OBP2A: variants seen among roughly 807,000 people sequenced by gnomAD.
The protein encoded by OBP2A is odorant-binding protein 2a.
In OBP2A, 15 loss-of-function variants were observed where a neutral mutation model predicts 21.9. The ratio of observed to expected loss-of-function variants is 0.69; its 90% CI spans 0.46 to 1.06. The LOEUF (loss-of-function observed/expected upper bound fraction) is 1.06, where lower values mean the gene tolerates loss of function less well. OBP2A is among the 50% of genes least tolerant of loss of function. The pLI, the probability that OBP2A is intolerant of heterozygous loss-of-function variation, is 0.00. For missense variants in OBP2A, 192 were observed against 220.1 expected (o/e 0.87, Z 0.81); for synonymous variants, 86 against 91.8 (o/e 0.94, Z 0.36).
rs752225194 is a variant in OBP2A, at chr9:135,547,924, G to A, written c.331G>A (p.Val111Ile). The change falls in exon 4 of 7, where the codon GTC becomes ATC. Residue 111 changes from valine (V) to isoleucine (I), a missense_variant. By Grantham distance (29) the Val-to-Ile change is conservative. Coordinates refer to ENST00000371776, the MANE Select transcript of OBP2A (RefSeq NM_014582.3). Reference protein sequence around the residue: ...LQELPGTDDYVFYCKDQRRGG... With the variant: ...LQELPGTDDYIFYCKDQRRGG... ...GGAGCTGCCCGGGACGGACGACTACGTCTTTTACTGCAAAGACCAGCGCCG... is the reference window on the plus strand; with the variant it reads ...GGAGCTGCCCGGGACGGACGACTACATCTTTTACTGCAAAGACCAGCGCCG... 3.9e-5 allele frequency: 63 copies of A among 1,613,498 alleles called. No homozygotes were observed. The highest frequency in any genetic ancestry group is 1.8e-4 in the East Asian group (8 of 44,856).
intron 4 of OBP2A, 88 bp downstream of exon 4, chr9:135,548,069 G>A (rs1588163452): frequency 1.1e-5 from 10 of 926,888 alleles, no homozygotes; most frequent in African/African-American, 8.3e-5. Context: ...GCCCTGGCAC[G>A]GGGGGAAAAG....
Position 135,548,908 on chromosome 9 carries a change from C to T in OBP2A, c.490+99C>T, listed in dbSNP as rs987431321. On this transcript the variant is annotated intron_variant, in intron 5 of 6. Transcript: ENST00000371776. ...TGTCCTCCCATGTCCCCCGCATTCC[C>T]CGTGTGCCCCGAGTCTCCTCGCAGG... 6.2e-5 allele frequency: 80 copies of T among 1,297,094 alleles called. 11 individuals carry two copies. In the African/African-American group the frequency reaches 9.4e-4, roughly 15 times the overall value. 80.3% of individuals were successfully genotyped at this position (1,297,094 alleles called of 1,614,324 possible).
chr9:135,547,828 G>A lies in OBP2A; in HGVS notation c.278-43G>A, dbSNP rs771161974. The stretch of plus-strand genomic sequence containing the variant: ...TCGTGTGGTCCTGAGTGCTCTCTCC[G>A]GGAATGAGGGCACTGAAGACCCATC... On this transcript the variant is annotated intron_variant, in intron 3 of 6. Coordinates refer to ENST00000371776, the MANE Select transcript of OBP2A (RefSeq NM_014582.3). 1.6e-5 allele frequency: 23 copies of A among 1,421,076 alleles called. 1 individual carries two copies. Among genetic ancestry groups the A allele is most frequent in the African/African-American group, 4.3e-5 (3 of 70,370 alleles). The allele number at this position is 1,421,076 out of a possible 1,614,324, so 88.0% of individuals were successfully genotyped here. A position where few individuals can be genotyped will look rare whatever the true frequency, so the allele number is the denominator to read the frequency against.
chr9:135,547,872 T>TG lies in OBP2A; in HGVS notation c.284dup (p.Arg96GlnfsTer36). ...ACCCATCTTCTCTGTCATCTACAGA[T>TG]GGGGGCAGGAAGCTCATATACCTGC... is the stretch of plus-strand genomic sequence containing the variant. On this transcript the variant is annotated frameshift_variant and splice_region_variant, in exon 4 of 7. Transcript: ENST00000371776. LOFTEE classifies it high-confidence loss of function. The TG allele has an allele frequency of 6.2e-7, 1 of 1,607,140 alleles. No individual in the cohort carries two copies. The highest frequency in any genetic ancestry group is 1.1e-5 in the South Asian group (1 of 90,288).
At chr9:135,547,031 G>A in intron 2 of OBP2A, 120 bp downstream of exon 2, 3 of 1,529,228 alleles carry the variant, frequency 2.0e-6, no homozygotes, top group East Asian at 4.6e-5. Context: ...CTGCCTTGGA[G>A]GGAAACAGCC....
In OBP2A at chr9:135,548,769, G is replaced by T. The variant is rs1464485510; in HGVS notation, c.450G>T (p.Lys150Asn). ...LEEFKKLVQHKGLSEEDIFMP... is the reference protein window; with the variant it reads ...LEEFKKLVQHNGLSEEDIFMP... The stretch of plus-strand genomic sequence containing the variant: ...AATTTAAGAAATTGGTGCAGCACAA[G>T]GGACTCTCGGAGGAGGACATTTTCA... Residue 150 changes from lysine (K) to asparagine (N), a missense_variant, in exon 5 of 7, where the codon AAG becomes AAT. By Grantham distance (94) the Lys-to-Asn change is moderately conservative. Transcript: ENST00000371776. 1 of 1,614,058 alleles carries T rather than the reference G, an allele frequency of 6.2e-7. No individual in the cohort carries two copies. Among genetic ancestry groups the T allele is most frequent in the Non-Finnish European group, 8.5e-7 (1 of 1,179,916 alleles).
rs746016575 is a variant in OBP2A at position 135,547,896 on chromosome 9, G to A, written c.303G>A (p.Leu101=). 1.2e-6 allele frequency: 2 copies of A among 1,612,646 alleles called. No individual in the cohort carries two copies. The highest frequency in any genetic ancestry group is 1.7e-5 in the Admixed American group (1 of 59,866). The change falls in exon 4 of 7, where the codon CTG becomes CTA. Residue 101 remains leucine, a synonymous_variant. Transcript: ENST00000371776. ...ATGGGGGCAGGAAGCTCATATACCT[G>A]CAGGAGCTGCCCGGGACGGACGACT... is the stretch of plus-strand genomic sequence containing the variant. ...SAYGGRKLIY[L]QELPGTDDYV...
rs72766539 is a variant in OBP2A, at chr9:135,547,531, G to A, written c.277+283G>A. 0.19 allele frequency among the ~76,000 whole-genome samples: 28,860 copies of A among 152,252 alleles called. 3,205 individuals are homozygous for A. Among genetic ancestry groups the A allele is most frequent in the Non-Finnish European group, 0.26 (17,701 of 67,982 alleles). On this transcript the variant is annotated intron_variant, in intron 3 of 6. Coordinates refer to ENST00000371776, the MANE Select transcript of OBP2A (RefSeq NM_014582.3). ...CGAGTGTTAGGGACCAGGAGGCCGA[G>A]GGTTAGGGATGGGAAGCCAAGGCTG...
In OBP2A at chr9:135,549,892, A is replaced by C. The variant is rs747144697; in HGVS notation, c.*57A>C. The C allele has an allele frequency of 1.9e-6, 3 of 1,548,680 alleles. No homozygotes were observed. Among genetic ancestry groups the C allele is most frequent in the Non-Finnish European group, 2.6e-6 (3 of 1,146,078 alleles). On this transcript the variant is annotated 3_prime_UTR_variant, in exon 7 of 7. Transcript: ENST00000371776. The stretch of plus-strand genomic sequence containing the variant: ...CCCTACCACCAGACACAGAGCCCGG[A>C]CCACCTGGACCTACCCTCCAGCCAT...
intron 2 of OBP2A, 26 bp downstream of exon 2, chr9:135,546,937 C>A: frequency 2.5e-6 from 4 of 1,610,536 alleles, no homozygotes; most frequent in Admixed American, 1.7e-5. Flanking sequence ...TGCAGGGCCC[C>A]TCAGGCCACT....
intron 4 of OBP2A, 45 bp from the exon 5 acceptor site, chr9:135,548,663 G>T: frequency 6.2e-7 from 1 of 1,612,558 alleles, no homozygotes; most frequent in Non-Finnish European, 8.5e-7. Context: ...CTGCAGGGCC[G>T]TGCCGCTGTC....
intron 2 of OBP2A, 27 bp from the exon 3 acceptor site, chr9:135,547,151 G>T: frequency 6.2e-7 from 1 of 1,603,852 alleles, no homozygotes; most frequent in Non-Finnish European, 8.5e-7. Context: ...CCTGGGAGCC[G>T]CTGCCCGAGT....
rs1476260488 is a variant in OBP2A, at chr9:135,549,616, G to A, written c.*2-221G>A. ...CCCTCAGGTGTCAGCTCGGCCCATC[G>A]CCCCCTGCACCTGTCCCCACTCGGT... On this transcript the variant is annotated intron_variant, in intron 6 of 6. Transcript: ENST00000371776. The A allele has an allele frequency of 5.1e-5, 30 of 593,582 alleles. No homozygotes were observed. The East Asian group carries it at 5.6e-4, about 11-fold the overall frequency. The allele number at this position is 593,582 out of a possible 1,614,324, so 36.8% of individuals were successfully genotyped here.
At position 135,549,336 on chromosome 9, in the gene OBP2A, G is replaced by C. The variant is rs564039716; in HGVS notation, c.*1+5G>C. The C allele has an allele frequency of 2.0e-6, 3 of 1,504,134 alleles. 1 individual carries two copies. Among genetic ancestry groups the C allele is most frequent in the East Asian group, 4.6e-5 (2 of 43,534 alleles). 93.2% of individuals were successfully genotyped at this position (1,504,134 alleles called of 1,614,324 possible). On this transcript the variant is annotated splice_donor_5th_base_variant and intron_variant, in intron 6 of 6. Coordinates refer to ENST00000371776, the MANE Select transcript of OBP2A (RefSeq NM_014582.3). Reference sequence around the variant, plus strand: ...GCTGCGTTCTCGAACACTAGGGTGAGTGAGCCTTTAGGAGGGCACTGGACA... The same window carrying C: ...GCTGCGTTCTCGAACACTAGGGTGACTGAGCCTTTAGGAGGGCACTGGACA...
chr9:135,547,942 C>G lies in OBP2A; in HGVS notation c.349C>G (p.Gln117Glu). Residue 117 changes from glutamine to glutamate, a missense_variant, in exon 4 of 7, where the codon CAG (glutamine) becomes GAG (glutamate). By Grantham distance (29) the Gln-to-Glu change is conservative. Coordinates refer to ENST00000371776, the MANE Select transcript of OBP2A (RefSeq NM_014582.3). ...CGACTACGTCTTTTACTGCAAAGAC[C>G]AGCGCCGTGGGGGCCTGCGCTACAT... The part of the protein sequence containing the change: ...TDDYVFYCKD[Q>E]RRGGLRYMGK... The G allele has an allele frequency of 6.2e-7, 1 of 1,613,376 alleles. No homozygotes were observed. The highest frequency in any genetic ancestry group is 8.5e-7 in the Non-Finnish European group (1 of 1,179,586).
In OBP2A at chr9:135,549,323, A is replaced by C. The variant is rs748567957; in HGVS notation, c.506A>C (p.Glu169Ala). ...MPLQTGSCVL[E>A]H is the part of the protein sequence containing the mutation. ...GTCTCTGCAGGAAGCTGCGTTCTCG[A>C]ACACTAGGGTGAGTGAGCCTTTAGG... Residue 169 changes from glutamate (E) to alanine (A), a missense_variant, in exon 6 of 7, where the codon GAA (glutamate) becomes GCA (alanine). Glu to Ala is a moderately radical substitution (Grantham distance 107). Coordinates refer to ENST00000371776, the MANE Select transcript of OBP2A (RefSeq NM_014582.3). 1 of 1,507,832 alleles carries C rather than the reference A, an allele frequency of 6.6e-7. No individual in the cohort carries two copies. The highest frequency in any genetic ancestry group is 1.5e-5 in the African/African-American group (1 of 68,304). 93.4% of individuals were successfully genotyped at this position (1,507,832 alleles called of 1,614,324 possible).
chr9:135,547,138 T>C, intron 2 of OBP2A, 40 bp from the exon 3 acceptor site: 2 of 1,559,982 alleles, frequency 1.3e-6, no homozygotes, highest in Non-Finnish European at 1.8e-6. Context: ...GGGCCAGGTG[T>C]GTCCTGGGAG....
rs544264578 is a variant in OBP2A at position 135,549,057 on chromosome 9, G to C, written c.490+248G>C. ...GGGCTCCGCGCTCTGGGCTGCGATG[G>C]GGTCTGGGGCTCCGCGCTCTGGGCT... On this transcript the variant is annotated intron_variant, in intron 5 of 6. Transcript: ENST00000371776. Among the ~76,000 whole-genome samples the C allele has an allele frequency of 6.0e-3, 554 of 91,660 alleles. 25 individuals carry two copies. Among genetic ancestry groups the C allele is most frequent in the African/African-American group, 0.027 (510 of 19,094 alleles). The allele number at this position is 91,660 out of a possible 152,430, so 60.1% of individuals were successfully genotyped here. A position where few individuals can be genotyped will look rare whatever the true frequency, so the allele number is the denominator to read the frequency against.
chr9:135,547,067 G>T (rs572440563), intron 2 of OBP2A, 111 bp from the exon 3 acceptor site: 43 of 1,415,288 alleles, frequency 3.0e-5, no homozygotes, highest in South Asian at 8.2e-5. Flanking sequence ...TCGGTGGGGT[G>T]GGGGGGCAGT....
Sources: allele counts gnomAD v4.1 joint callset (sites outside exome capture counted in the v4.1 genomes callset), GRCh38; gene constraint gnomAD v4.1.1; transcripts MANE v1.5; gene names NCBI Gene and HGNC (gene_info 2026-07-23, HGNC 2026-07-21).